DLC1: variants seen among roughly 807,000 people sequenced by gnomAD.
The protein encoded by DLC1 is DLC1 Rho GTPase activating protein, also known as rho GTPase-activating protein 7.
DLC1 carries 54 observed loss-of-function variants against 140.3 expected under a neutral mutation model. That is an observed-to-expected ratio of 0.38 (90% CI 0.31 to 0.48). The LOEUF is 0.48. Among genes scored for constraint, DLC1 ranks in the 20% least tolerant of loss-of-function variants. The pLI, the probability that DLC1 is intolerant of heterozygous loss-of-function variation, is 0.96. For synonymous variants in DLC1, 986 were observed against 728.1 expected, an observed-to-expected ratio of 1.35 and a Z score of -5.70; for missense variants, 2,536 against 1,907.0, an observed-to-expected ratio of 1.33 and a Z score of -6.14.
intron 1 of DLC1, among the ~76,000 whole-genome samples, chr8:13,535,051 C>G (rs1803229219): frequency 6.6e-6 from 1 of 152,092 alleles, no homozygotes; most frequent in South Asian, 2.1e-4. Context: ...CTTTATACAC[C>G]AGACACTGAC....
At chr8:13,142,087 A>G (rs1169180000) in intron 5 of DLC1, among the ~76,000 whole-genome samples, 1 of 152,190 alleles carries the variant, frequency 6.6e-6, no homozygotes, top group African/African-American at 2.4e-5. Context: ...TCCCACACTC[A>G]TACATACACA....
intron 5 of DLC1, chr8:13,214,557 CT>C (rs34727279): frequency 0.062 from 35,220 of 565,340 alleles, no homozygotes; most frequent in Middle Eastern, 0.081. Context: ...CCAACCCCAC[CT>C]TTTTTTTTTT....
At chr8:13,514,476 G>T (rs1050005295) in intron 1 of DLC1, 126 bp downstream of exon 1, 4 of 397,116 alleles carry the variant, frequency 1.0e-5, no homozygotes, top group Non-Finnish European at 1.3e-5. Context: ...TTCCACTTCT[G>T]ATTTTATGGC....
intron 5 of DLC1, among the ~76,000 whole-genome samples, chr8:13,270,638 A>T (rs1361049270): frequency 2.6e-5 from 4 of 152,210 alleles, no homozygotes; most frequent in Non-Finnish European, 4.4e-5. Flanking sequence ...GGAGTTCACA[A>T]AGATCAGCAC....
At chr8:13,301,689 C>G (rs893118279) in intron 5 of DLC1, among the ~76,000 whole-genome samples, 42 of 152,144 alleles carry the variant, frequency 2.8e-4, no homozygotes, top group Non-Finnish European at 1.0e-4. Context: ...GGACCAGTAC[C>G]GGTCTGTGAT....
intron 2 of DLC1, among the ~76,000 whole-genome samples, chr8:13,475,253 C>T (rs1300813196): frequency 6.6e-6 from 1 of 151,998 alleles, no homozygotes. Flanking sequence ...GTTAAAACAG[C>T]CTTTAAAAAA....
intron 4 of DLC1, chr8:13,340,136 GA>G (rs551256522): frequency 2.6e-5 from 4 of 152,276 alleles, no homozygotes; most frequent in Non-Finnish European, 4.4e-5. Context: ...TGAAGTCCAG[GA>G]GAAAGCCACT....
chr8:13,108,389 C>T (rs1819775961), intron 7 of DLC1, among the ~76,000 whole-genome samples: 1 of 152,170 alleles, frequency 6.6e-6, no homozygotes, highest in African/African-American at 2.4e-5. Flanking sequence ...AAAACTGAAG[C>T]CCAACTAGCA....
intron 1 of DLC1, among the ~76,000 whole-genome samples, chr8:13,574,167 A>G (rs546763736): frequency 6.6e-6 from 1 of 152,286 alleles, no homozygotes; most frequent in African/African-American, 2.4e-5. Flanking sequence ...TCCTTTCAGC[A>G]TGTATATATA....
intron 5 of DLC1, among the ~76,000 whole-genome samples, chr8:13,295,495 C>A (rs1337012071): frequency 1.3e-5 from 2 of 152,200 alleles, no homozygotes; most frequent in Non-Finnish European, 2.9e-5. Flanking sequence ...GGGCACCAGC[C>A]ATTTATTGGG....
chr8:13,408,800 T>G (rs1350143062), intron 2 of DLC1, among the ~76,000 whole-genome samples: 1 of 152,154 alleles, frequency 6.6e-6, no homozygotes, highest in African/African-American at 2.4e-5. Context: ...TTTTTTATTT[T>G]TATTTTTTAC....
chr8:13,350,701 G>A (rs76087503), intron 4 of DLC1, among the ~76,000 whole-genome samples: 6,454 of 151,624 alleles, frequency 0.043, 651 homozygotes, highest in East Asian at 0.37. Flanking sequence ...GGGCCATGGA[G>A]CAAGACTCGA....
At chr8:13,274,906 T>G (rs1429989846) in intron 5 of DLC1, among the ~76,000 whole-genome samples, 2 of 152,256 alleles carry the variant, frequency 1.3e-5, no homozygotes, top group Non-Finnish European at 2.9e-5. Context: ...ATTATAGTTT[T>G]GAATTTTTTA....
intron 5 of DLC1, among the ~76,000 whole-genome samples, chr8:13,294,685 G>T (rs1167933947): frequency 6.6e-6 from 1 of 151,866 alleles, no homozygotes; most frequent in African/African-American, 2.4e-5. Context: ...GGTAAGGCCA[G>T]ATTACGGAAA....
chr8:13,320,888 C>G (rs1261267023), intron 4 of DLC1, among the ~76,000 whole-genome samples: 6 of 152,164 alleles, frequency 3.9e-5, no homozygotes, highest in African/African-American at 1.2e-4. Flanking sequence ...GAGCCTGGAA[C>G]CTTTCTCCCC....
rs565246976 is a variant in DLC1, at chr8:13,408,902, T to C, written c.1024-7283A>G. ...CATAAGAAAAATATCTATTTAACAC[T>C]GAAATTCCATAAATTGTTTTTAGGA... is the stretch of plus-strand genomic sequence containing the variant. On this transcript the variant is annotated intron_variant, in intron 2 of 17. Coordinates refer to ENST00000276297, the MANE Select transcript of DLC1 (RefSeq NM_182643.3). Among the ~76,000 whole-genome samples the C allele has an allele frequency of 9.8e-5, 15 of 152,304 alleles. 1 individual carries two copies. In the South Asian group the frequency reaches 2.3e-3, roughly 23 times the overall value.
chr8:13,280,512 T>C (rs1831328274), intron 5 of DLC1, among the ~76,000 whole-genome samples: 1 of 152,168 alleles, frequency 6.6e-6, no homozygotes, highest in Non-Finnish European at 1.5e-5. Context: ...ATATTTTCCA[T>C]ATAAGAAAAT....
intron 2 of DLC1, among the ~76,000 whole-genome samples, chr8:13,490,041 G>A (rs527415447): frequency 1.5e-5 from 1 of 64,816 alleles, no homozygotes; most frequent in Non-Finnish European, 3.8e-5. Flanking sequence ...GGCTCACAAA[G>A]GTTAAATACA....
At chr8:13,089,392 C>G (rs1027341775) in intron 15 of DLC1, among the ~76,000 whole-genome samples, 3 of 151,056 alleles carry the variant, frequency 2.0e-5, no homozygotes, top group Non-Finnish European at 4.4e-5. Flanking sequence ...CTTTGGGAGG[C>G]CAAGGTGGGC....
Sources: allele counts gnomAD v4.1 joint callset (sites outside exome capture counted in the v4.1 genomes callset), GRCh38; gene constraint gnomAD v4.1.1; transcripts MANE v1.5; gene names NCBI Gene and HGNC (gene_info 2026-07-23, HGNC 2026-07-21).